The following NR6A1 variants were observed in gnomAD, a reference collection of about 807,000 sequenced individuals.
NR6A1 encodes the protein retinoic acid receptor-related testis-associated receptor.
A neutral mutation model predicts 59.1 loss-of-function variants in NR6A1; 7 were observed. That is an observed-to-expected ratio of 0.12 (90% confidence interval 0.07 to 0.22). The LOEUF is 0.22. NR6A1 is among the 10% of genes least tolerant of loss of function. NR6A1 has a pLI of 1.00. For missense variants in NR6A1, 468 were observed against 611.6 expected, an observed-to-expected ratio of 0.77 and a Z score of 2.48; for synonymous variants, 243 against 236.1, an observed-to-expected ratio of 1.03 and a Z score of -0.27.
rs1031058737 is a variant in NR6A1, at chr9:124,521,652, G to A, written c.*1053C>T. 4 of 152,250 alleles carry A rather than the reference G, an allele frequency of 2.6e-5. No homozygotes were observed. Among genetic ancestry groups the A allele is most frequent in the African/African-American group, 9.6e-5 (4 of 41,454 alleles). 9.4% of individuals were successfully genotyped at this position (152,250 alleles called of 1,614,324 possible). On this transcript the variant is annotated 3_prime_UTR_variant, in exon 10 of 10. Coordinates refer to ENST00000487099, the MANE Select transcript of NR6A1 (RefSeq NM_033334.4). The stretch of plus-strand genomic sequence containing the variant: ...GAGGGGAGAGGAACAGATTTCAAAA[G>A]GGGAGTGTCTATTCTTTTTGCAGTC...
intron 1 of NR6A1, among the ~76,000 whole-genome samples, chr9:124,753,616 G>A (rs905476344): frequency 6.6e-6 from 1 of 152,158 alleles, no homozygotes; most frequent in Admixed American, 6.5e-5. Context: ...CCAAAGAAAA[G>A]TTATGGAAAG....
intron 2 of NR6A1, among the ~76,000 whole-genome samples, chr9:124,686,774 G>T (rs368579309): frequency 6.6e-6 from 1 of 151,746 alleles, no homozygotes; most frequent in South Asian, 2.1e-4. Flanking sequence ...CACAAACACG[G>T]CTGACTGCAG....
chr9:124,577,851 C>T (rs1191616177), intron 2 of NR6A1, among the ~76,000 whole-genome samples: 1 of 152,196 alleles, frequency 6.6e-6, no homozygotes, highest in East Asian at 1.9e-4. Context: ...GATAGATGGG[C>T]TCTCAGAATT....
intron 9 of NR6A1, among the ~76,000 whole-genome samples, chr9:124,523,886 T>C (rs1252887163): frequency 1.3e-5 from 2 of 152,198 alleles, no homozygotes; most frequent in African/African-American, 2.4e-5. Flanking sequence ...TCCCGGTCTA[T>C]AGGTCACATT....
chr9:124,687,180 G>A (rs898181033), intron 2 of NR6A1, among the ~76,000 whole-genome samples: 2 of 151,496 alleles, frequency 1.3e-5, no homozygotes, highest in South Asian at 2.1e-4. Context: ...GTGAAGTGGC[G>A]GCACAATTAG....
chr9:124,542,995 G>A (rs1382867259), intron 4 of NR6A1, among the ~76,000 whole-genome samples: 2 of 152,192 alleles, frequency 1.3e-5, no homozygotes, highest in African/African-American at 4.8e-5. Context: ...AACAAGTGGT[G>A]CAGGCTGGCC....
chr9:124,628,046 T>C (rs961940362), intron 2 of NR6A1, among the ~76,000 whole-genome samples: 3 of 152,184 alleles, frequency 2.0e-5, no homozygotes, highest in Non-Finnish European at 4.4e-5. Flanking sequence ...TTGTTGTTTT[T>C]GAGACGGAGT....
At chr9:124,529,621 T>C (rs892526400) in intron 7 of NR6A1, among the ~76,000 whole-genome samples, 13 of 152,172 alleles carry the variant, frequency 8.5e-5, no homozygotes, top group African/African-American at 2.9e-4. Flanking sequence ...GATCCTGTCT[T>C]GTTCTTAGCT....
chr9:124,735,799 T>C (rs970396413), intron 1 of NR6A1, among the ~76,000 whole-genome samples: 1 of 152,154 alleles, frequency 6.6e-6, no homozygotes, highest in South Asian at 2.1e-4. Flanking sequence ...GCTGGTAGAT[T>C]TGGTGTCTAG....
At chr9:124,559,781 G>T (rs544142942) in intron 2 of NR6A1, among the ~76,000 whole-genome samples, 113 of 152,052 alleles carry the variant, frequency 7.4e-4, no homozygotes, top group African/African-American at 2.7e-3. Flanking sequence ...CGTCAAAAAA[G>T]AAAATAATAA....
chr9:124,749,765 A>T (rs541150092), intron 1 of NR6A1, among the ~76,000 whole-genome samples: 12 of 152,308 alleles, frequency 7.9e-5, no homozygotes, highest in Admixed American at 3.9e-4. Context: ...TGCCCCGCTA[A>T]AATCACACTC....
At chr9:124,715,203 A>G (rs1301866636) in intron 2 of NR6A1, among the ~76,000 whole-genome samples, 1 of 138,852 alleles carries the variant, frequency 7.2e-6, no homozygotes, top group Non-Finnish European at 1.5e-5. Context: ...TTCGTCTCAG[A>G]AAAAAAAAAA....
chr9:124,598,648 A>T (rs1457904167), intron 2 of NR6A1: 6 of 50,710 alleles, frequency 1.2e-4, no homozygotes, highest in South Asian at 5.8e-4. Flanking sequence ...GAGTAAAATT[A>T]AAAAAAAAAA....
intron 2 of NR6A1, among the ~76,000 whole-genome samples, chr9:124,600,438 A>G (rs1454775195): frequency 1.3e-5 from 2 of 152,244 alleles, no homozygotes; most frequent in Non-Finnish European, 2.9e-5. Context: ...GGTGGAAAGA[A>G]TTCATAGTTC....
rs565094116 is a variant in NR6A1, at chr9:124,638,106, T to A, written c.143-83536A>T. On this transcript the variant is annotated intron_variant, in intron 2 of 9. Coordinates refer to ENST00000487099, the MANE Select transcript of NR6A1 (RefSeq NM_033334.4). ...CTACAAAAAATTAAAATTTAAAAAT[T>A]AGCTGGGTGTGGTGGCTTGTGTACC... Among the ~76,000 whole-genome samples the A allele has an allele frequency of 2.6e-5, 4 of 151,476 alleles. 1 individual carries two copies. The East Asian group carries it at 5.9e-4, about 22-fold the overall frequency.
Position 124,585,336 on chromosome 9 carries a change from C to G in NR6A1, c.143-30766G>C, listed in dbSNP as rs143738567. ...CAGGCAGATCATGAGGTCGGGAGAT[C>G]GAGACCATCCTGGCTAACACGGTGA... On this transcript the variant is annotated intron_variant, in intron 2 of 9. Coordinates refer to ENST00000487099, the MANE Select transcript of NR6A1 (RefSeq NM_033334.4). Among the ~76,000 whole-genome samples, 370 of 152,088 alleles carry G rather than the reference C, an allele frequency of 2.4e-3. 1 individual carries two copies. Among genetic ancestry groups the G allele is most frequent in the African/African-American group, 8.2e-3 (342 of 41,496 alleles).
intron 2 of NR6A1, among the ~76,000 whole-genome samples, chr9:124,626,468 A>G (rs1836243894): frequency 1.3e-5 from 2 of 152,246 alleles, no homozygotes; most frequent in Admixed American, 1.3e-4. Flanking sequence ...TTAGAATTCA[A>G]ATGATCATAC....
intron 2 of NR6A1, among the ~76,000 whole-genome samples, chr9:124,582,990 T>G (rs191525953): frequency 6.6e-6 from 1 of 152,336 alleles, no homozygotes; most frequent in Non-Finnish European, 1.5e-5. Flanking sequence ...CACTCAATTT[T>G]TCTGTATGCT....
chr9:124,729,174 T>G (rs1430799892), intron 2 of NR6A1, among the ~76,000 whole-genome samples: 1 of 152,192 alleles, frequency 6.6e-6, no homozygotes, highest in African/African-American at 2.4e-5. Context: ...GGAAGATATA[T>G]TGATTATGCT....
Sources: allele counts gnomAD v4.1 joint callset (sites outside exome capture counted in the v4.1 genomes callset), GRCh38; gene constraint gnomAD v4.1.1; transcripts MANE v1.5; gene names NCBI Gene and HGNC (gene_info 2026-07-23, HGNC 2026-07-21).